Variants in ANKHD1 observed in about 807,000 individuals in gnomAD.
The protein encoded by ANKHD1 is ankyrin repeat and KH domain-containing protein 1.
A neutral mutation model predicts 230.5 loss-of-function variants in ANKHD1; 31 were observed. The ratio of observed to expected loss-of-function variants is 0.13; its 90% CI spans 0.10 to 0.18. ANKHD1 has a LOEUF of 0.18. Ranked by LOEUF, ANKHD1 falls within the 10% of genes least tolerant of loss-of-function variation. ANKHD1 has a pLI of 1.00. For missense variants in ANKHD1, 2,256 were observed against 3,071.3 expected (o/e 0.73, Z 6.27); for synonymous variants, 1,074 against 1,117.6 (o/e 0.96, Z 0.78).
chr5:140,442,219 T>G (rs1160231369), intron 5 of ANKHD1, among the ~76,000 whole-genome samples: 1 of 151,790 alleles, frequency 6.6e-6, no homozygotes, highest in Non-Finnish European at 1.5e-5. Context: ...TTTTGTACTT[T>G]TTTAGTAGAG....
In ANKHD1 at chr5:140,506,566, T is replaced by A. The variant is rs1416366203; in HGVS notation, c.3409-269T>A. Among the ~76,000 whole-genome samples, 1 of 152,208 alleles carries A rather than the reference T, an allele frequency of 6.6e-6. No individual in the cohort carries two copies. Among genetic ancestry groups the A allele is most frequent in the African/African-American group, 2.4e-5 (1 of 41,454 alleles). ...GAATGAATCACAATTCTAACACATA[T>A]GAAGTGCAAATTTATTGCCCAATAA... On this transcript the variant is annotated intron_variant, in intron 18 of 33. Coordinates refer to ENST00000360839, the MANE Select transcript of ANKHD1 (RefSeq NM_017747.3). This position sits in a 1 kb window ranked among gnomAD's most constrained non-coding sequence, Gnocchi z 4.7.
At position 140,528,165 on chromosome 5, in the gene ANKHD1, G is replaced by GTTTT; in HGVS notation, c.5238-11_5238-8dup. The GTTTT allele has an allele frequency of 1.8e-6, 2 of 1,135,224 alleles. No individual in the cohort carries two copies. Among genetic ancestry groups the GTTTT allele is most frequent in the Non-Finnish European group, 2.3e-6 (2 of 857,814 alleles). The allele number at this position is 1,135,224 out of a possible 1,614,324, so 70.3% of individuals were successfully genotyped here. Reference sequence around the variant, plus strand: ...TTTTAATGTTTTTGGTCTTGTTTCTGTTTTTTTTTTTCCCTTAGGGGTGGC... The same window carrying GTTTT: ...TTTTAATGTTTTTGGTCTTGTTTCTGTTTTTTTTTTTTTTTCCCTTAGGGGTGGC... On this transcript the variant is annotated intron_variant, in intron 28 of 33. Transcript: ENST00000360839.
rs1032360649 is a variant in ANKHD1, at chr5:140,402,122, C to T, written c.155C>T (p.Pro52Leu). The T allele has an allele frequency of 3.9e-6, 6 of 1,541,988 alleles. No homozygotes were observed. The highest frequency in any genetic ancestry group is 5.2e-6 in the Non-Finnish European group (6 of 1,148,320). The change falls in exon 1 of 34, where the codon CCA becomes CTA. Residue 52 changes from proline to leucine, a missense_variant. Transcript: ENST00000360839. ...GTGAGGCTCTTTGGGGAGGCCGGGC[C>T]AGCGTCGGGAGTCGGCAGCAGCGGC... ...RTVRLFGEAG[P>L]ASGVGSSGGG...
At chr5:140,423,773 G>A (rs149987417) in intron 1 of ANKHD1, among the ~76,000 whole-genome samples, 2,124 of 152,252 alleles carry the variant, frequency 0.014, 58 homozygotes, top group African/African-American at 0.048. Context: ...TATGATGAAT[G>A]TGTCCCCCAA....
At chr5:140,470,140 C>G (rs977909295) in intron 10 of ANKHD1, among the ~76,000 whole-genome samples, 7 of 152,024 alleles carry the variant, frequency 4.6e-5, no homozygotes, top group African/African-American at 1.7e-4. Flanking sequence ...GCCTGCTAGA[C>G]TATTCTGTAT....
chr5:140,441,492 C>A (rs1342585025), intron 5 of ANKHD1, among the ~76,000 whole-genome samples: 1 of 152,012 alleles, frequency 6.6e-6, no homozygotes, highest in East Asian at 1.9e-4. Context: ...ATTGCATGAT[C>A]TCACTTTTTT....
chr5:140,487,167 G>T (rs569501026), intron 14 of ANKHD1, 107 bp downstream of exon 14: 1,192 of 1,175,830 alleles, frequency 1.0e-3, no homozygotes, highest in Admixed American at 1.5e-3. Flanking sequence ...ATGGCTAATT[G>T]AGGTAGATAA....
At chr5:140,416,185 C>A (rs1390506746) in intron 1 of ANKHD1, among the ~76,000 whole-genome samples, 1 of 152,190 alleles carries the variant, frequency 6.6e-6, no homozygotes, top group Admixed American at 6.5e-5. Context: ...TCCAGTCTAT[C>A]ATTGATGGAT....
intron 1 of ANKHD1, among the ~76,000 whole-genome samples, chr5:140,414,333 A>C (rs1429443996): frequency 6.6e-6 from 1 of 152,146 alleles, no homozygotes; most frequent in Non-Finnish European, 1.5e-5. Flanking sequence ...GAAGGGTTCT[A>C]ATTTCTCCAT....
intron 1 of ANKHD1, among the ~76,000 whole-genome samples, chr5:140,419,826 CTTTCTTT>C (rs1771777637): frequency 1.0e-5 from 1 of 95,888 alleles, no homozygotes; most frequent in Non-Finnish European, 2.2e-5. Context: ...TTCTTTCTTT[CTTTCTTT>C]CTTTTTCTTT....
In ANKHD1 at chr5:140,539,788, G is replaced by C. The variant is rs532037320; in HGVS notation, c.*370G>C. 1.2e-4 allele frequency: 20 copies of C among 172,486 alleles called. No individual in the cohort carries two copies. The highest frequency in any genetic ancestry group is 2.0e-4 in the Non-Finnish European group (16 of 80,650). The allele number at this position is 172,486 out of a possible 1,614,324, so 10.7% of individuals were successfully genotyped here. A position where few individuals can be genotyped will look rare whatever the true frequency, so the allele number is the denominator to read the frequency against. On this transcript the variant is annotated 3_prime_UTR_variant, in exon 34 of 34. Transcript: ENST00000360839. ...ATTTCTTGTCATATAGTGGCTCTACGTAATGTAGCCTGTATTAATGTGAAA... is the reference window on the plus strand; with the variant it reads ...ATTTCTTGTCATATAGTGGCTCTACCTAATGTAGCCTGTATTAATGTGAAA...
Position 140,445,872 on chromosome 5 carries a change from A to C in ANKHD1, c.1044A>C (p.Ala348=). Residue 348 remains alanine (A), a synonymous_variant, in exon 6 of 34, where the codon GCA becomes GCC. Coordinates refer to ENST00000360839, the MANE Select transcript of ANKHD1 (RefSeq NM_017747.3). ...GHTPLMEAAS[A]GHVEVARVLL... ...CTCCCTTAATGGAAGCAGCCAGTGC[A>C]GGTCATGTGGAAGTTGCAAGAGTTC... 3.1e-6 allele frequency: 5 copies of C among 1,613,822 alleles called. No homozygotes were observed. The highest frequency in any genetic ancestry group is 4.2e-6 in the Non-Finnish European group (5 of 1,179,804).
intron 4 of ANKHD1, 98 bp downstream of exon 4, chr5:140,440,364 A>G (rs1269703505): frequency 5.6e-6 from 8 of 1,427,078 alleles, no homozygotes; most frequent in Non-Finnish European, 7.3e-6. Flanking sequence ...TAGAGGCCAG[A>G]GTCTTCTCTT....
At position 140,402,082 on chromosome 5, in the gene ANKHD1, C is replaced by G; in HGVS notation, c.115C>G (p.Leu39Val). Reference protein sequence around the residue: ...SEPPPPGGVGLGIRTVRLFGE... With the variant: ...SEPPPPGGVGVGIRTVRLFGE... ...GCCGCCTCCGCCGGGAGGGGTCGGT[C>G]TGGGGATCCGCACCGTGAGGCTCTT... The change falls in exon 1 of 34, where the codon CTG (leucine) becomes GTG (valine). Residue 39 changes from leucine (L) to valine (V), a missense_variant. Leu to Val is a conservative substitution (Grantham distance 32). Coordinates refer to ENST00000360839, the MANE Select transcript of ANKHD1 (RefSeq NM_017747.3). 3 of 1,506,728 alleles carry G rather than the reference C, an allele frequency of 2.0e-6. No individual in the cohort carries two copies. The highest frequency in any genetic ancestry group is 8.8e-7 in the Non-Finnish European group (1 of 1,132,884). The allele number at this position is 1,506,728 out of a possible 1,614,324, so 93.3% of individuals were successfully genotyped here. A position where few individuals can be genotyped will look rare whatever the true frequency, so the allele number is the denominator to read the frequency against.
chr5:140,428,767 G>A (rs1278311839), intron 1 of ANKHD1, among the ~76,000 whole-genome samples: 2 of 152,102 alleles, frequency 1.3e-5, no homozygotes, highest in Non-Finnish European at 2.9e-5. Flanking sequence ...AACCAGCCTA[G>A]AATATTCTTT....
intron 1 of ANKHD1, among the ~76,000 whole-genome samples, chr5:140,419,052 G>A (rs902231159): frequency 1.3e-5 from 2 of 152,004 alleles, no homozygotes; most frequent in Non-Finnish European, 2.9e-5. Context: ...CTCTGCAGCT[G>A]TACTATTTAA....
chr5:140,467,873 A>G (rs1229223826), intron 10 of ANKHD1, among the ~76,000 whole-genome samples: 2 of 152,140 alleles, frequency 1.3e-5, no homozygotes, highest in African/African-American at 4.8e-5. Flanking sequence ...AGGCAGTACC[A>G]TCTTACTTGT....
intron 10 of ANKHD1, among the ~76,000 whole-genome samples, chr5:140,474,716 C>T (rs1750870442): frequency 6.6e-6 from 1 of 151,326 alleles, no homozygotes; most frequent in African/African-American, 2.4e-5. Context: ...CTTTCCTCAG[C>T]CTCCTGAGTA....
At chr5:140,470,953 A>T (rs909619267) in intron 10 of ANKHD1, among the ~76,000 whole-genome samples, 1 of 151,966 alleles carries the variant, frequency 6.6e-6, no homozygotes, top group Non-Finnish European at 1.5e-5. Context: ...TGTGGTTTTC[A>T]TGGCTTCACT....
Sources: gnomAD v4.1 joint callset for allele counts (sites outside exome capture counted in the v4.1 genomes callset) on GRCh38, gnomAD v4.1.1 for gene constraint, Gnocchi (gnomAD v3.1) non-coding constraint, MANE v1.5 for transcripts, NCBI Gene and HGNC (gene_info 2026-07-23, HGNC 2026-07-21) for gene names.